The following ZBTB20 variants were observed in gnomAD, a reference collection of about 807,000 sequenced individuals.
The protein encoded by ZBTB20 is zinc finger and BTB domain-containing protein 20.
Under a neutral mutation model 56.9 loss-of-function variants are expected in ZBTB20, and 9 were observed. The ratio of observed to expected loss-of-function variants is 0.16; its 90% CI spans 0.10 to 0.28. ZBTB20 has a LOEUF of 0.28. Among genes scored for constraint, ZBTB20 ranks in the 10% least tolerant of loss-of-function variants. The probability of loss-of-function intolerance (pLI) is 1.00; values close to 1 mark genes in which losing one functional copy is unlikely to be tolerated. For missense variants in ZBTB20, 655 were observed against 1,003.0 expected (o/e 0.65, Z 4.69); for synonymous variants, 417 against 420.7 (o/e 0.99, Z 0.11).
chr3:114,506,461 G>C (rs935626156), intron 6 of ZBTB20, among the ~76,000 whole-genome samples: 2 of 152,106 alleles, frequency 1.3e-5, no homozygotes, highest in Admixed American at 1.3e-4. Context: ...AATGAAAGCA[G>C]TAGTGCTGGG....
Position 114,329,052 on chromosome 3 carries a change from C to T in ZBTB20, c.*9953G>A, listed in dbSNP as rs531910522. 6.6e-6 allele frequency: 1 copy of T among 152,320 alleles called. No homozygotes were observed. The highest frequency in any genetic ancestry group is 1.9e-4 in the East Asian group (1 of 5,188). 9.4% of individuals were successfully genotyped at this position (152,320 alleles called of 1,614,324 possible). ...ACAGATTGGTAATTTTGCCATTACA[C>T]TAGACATTAGCCCTTTCAAAGCAGA... On this transcript the variant is annotated 3_prime_UTR_variant, in exon 12 of 12. Coordinates refer to ENST00000675478, the MANE Select transcript of ZBTB20 (RefSeq NM_001348800.3).
At chr3:114,834,725 C>G (rs763492395) in intron 4 of ZBTB20, among the ~76,000 whole-genome samples, 1 of 152,034 alleles carries the variant, frequency 6.6e-6, no homozygotes, top group African/African-American at 2.4e-5. Flanking sequence ...TGGACCCTCA[C>G]GCTCCTGAGA....
chr3:114,564,362 G>A lies in ZBTB20; in HGVS notation c.-294-63971C>T, dbSNP rs138965213. 2.7e-3 allele frequency among the ~76,000 whole-genome samples: 415 copies of A among 152,012 alleles called. 1 individual carries two copies. The highest frequency in any genetic ancestry group is 9.6e-3 in the African/African-American group (397 of 41,448). ...GAACATCTTCGGTGGGGTGGGGAGG[G>A]GGGCATTAATCTGTCTGTCACAGAG... On this transcript the variant is annotated intron_variant, in intron 6 of 11. Coordinates refer to ENST00000675478, the MANE Select transcript of ZBTB20 (RefSeq NM_001348800.3).
chr3:114,476,868 G>T (rs2040835317), intron 7 of ZBTB20, among the ~76,000 whole-genome samples: 1 of 152,120 alleles, frequency 6.6e-6, no homozygotes, highest in African/African-American at 2.4e-5. Context: ...TGCAGTTTAG[G>T]GCTAGACTGC....
intron 5 of ZBTB20, among the ~76,000 whole-genome samples, chr3:114,798,194 G>A (rs1483986991): frequency 6.6e-6 from 1 of 151,718 alleles, no homozygotes; most frequent in Non-Finnish European, 1.5e-5. Context: ...CATCATGTCT[G>A]TAAGCCCAAT....
At chr3:115,147,110 C>G (rs2085025005) in intron 1 of ZBTB20, 109 bp downstream of exon 1, 1 of 146,452 alleles carries the variant, frequency 6.8e-6, no homozygotes, top group African/African-American at 2.5e-5. Context: ...TTCCCAGTCC[C>G]GCCGCCCCCC....
chr3:114,962,584 G>A (rs988184441), intron 3 of ZBTB20, among the ~76,000 whole-genome samples: 18 of 152,062 alleles, frequency 1.2e-4, no homozygotes, highest in African/African-American at 3.9e-4. Context: ...AAGCTTAACA[G>A]TCGATCTTAA....
Position 114,326,001 on chromosome 3 carries a change from A to G in ZBTB20, c.*13004T>C, listed in dbSNP as rs11713117. The stretch of plus-strand genomic sequence containing the variant: ...TCCCTCTAGTGCCTGGGGTTGGGGC[A>G]GGTGCAGGGGTGTGGGGAAGGAGAG... On this transcript the variant is annotated 3_prime_UTR_variant, in exon 12 of 12. Coordinates refer to ENST00000675478, the MANE Select transcript of ZBTB20 (RefSeq NM_001348800.3). 3,428 of 151,472 alleles carry G rather than the reference A, an allele frequency of 0.023. 61 individuals carry two copies. The highest frequency in any genetic ancestry group is 0.031 in the African/African-American group (1,272 of 41,382). The allele number at this position is 151,472 out of a possible 1,614,324, so 9.4% of individuals were successfully genotyped here.
At chr3:114,642,910 TAC>T (rs1280429044) in intron 6 of ZBTB20, among the ~76,000 whole-genome samples, 2 of 152,076 alleles carry the variant, frequency 1.3e-5, no homozygotes, top group Non-Finnish European at 2.9e-5. Flanking sequence ...TTCAGAAGAA[TAC>T]ACAGGATGCA....
At chr3:115,006,622 C>G (rs1021641009) in intron 2 of ZBTB20, among the ~76,000 whole-genome samples, 4 of 151,440 alleles carry the variant, frequency 2.6e-5, no homozygotes, top group African/African-American at 9.7e-5. Context: ...CAAAGTATCT[C>G]AAAGAATCAT....
At chr3:114,398,072 C>A (rs1010306951) in intron 7 of ZBTB20, among the ~76,000 whole-genome samples, 8 of 152,070 alleles carry the variant, frequency 5.3e-5, no homozygotes, top group Non-Finnish European at 1.0e-4. Flanking sequence ...CTTGGAATAC[C>A]TTTATCACCT....
chr3:114,765,508 T>C (rs1426965737), intron 5 of ZBTB20, among the ~76,000 whole-genome samples: 4 of 152,116 alleles, frequency 2.6e-5, no homozygotes. Flanking sequence ...ATGAAACAGA[T>C]TCCCTCCCAC....
At chr3:115,144,639 C>G (rs890764657) in intron 1 of ZBTB20, among the ~76,000 whole-genome samples, 1 of 152,002 alleles carries the variant, frequency 6.6e-6, no homozygotes, top group Non-Finnish European at 1.5e-5. Context: ...CTCGTATTTT[C>G]TTTTAGTAGC....
intron 2 of ZBTB20, among the ~76,000 whole-genome samples, chr3:115,061,060 A>C (rs1276795625): frequency 6.6e-6 from 1 of 152,166 alleles, no homozygotes; most frequent in Non-Finnish European, 1.5e-5. Context: ...TCAGTCAAAG[A>C]AAGTTTAGAC....
chr3:114,627,654 C>A (rs528440722), intron 6 of ZBTB20, among the ~76,000 whole-genome samples: 1 of 152,302 alleles, frequency 6.6e-6, no homozygotes, highest in Non-Finnish European at 1.5e-5. Flanking sequence ...AAAACCTGTA[C>A]ATATAAATAT....
chr3:114,391,079 T>C (rs1447925302), intron 7 of ZBTB20, among the ~76,000 whole-genome samples: 1 of 152,128 alleles, frequency 6.6e-6, no homozygotes, highest in African/African-American at 2.4e-5. Flanking sequence ...CTGTTTTCTA[T>C]ACCAGCCCCT....
chr3:114,565,513 T>C (rs951002085), intron 6 of ZBTB20, among the ~76,000 whole-genome samples: 1 of 152,204 alleles, frequency 6.6e-6, no homozygotes. Context: ...ATTAGCTTTT[T>C]CTCCCCCCTT....
intron 3 of ZBTB20, among the ~76,000 whole-genome samples, chr3:114,933,275 G>C (rs1447866616): frequency 3.3e-5 from 5 of 151,860 alleles, no homozygotes; most frequent in Non-Finnish European, 7.4e-5. Context: ...ATGAAACAGG[G>C]ACAAAGCCAA....
chr3:114,495,897 T>A (rs550800647), intron 7 of ZBTB20, among the ~76,000 whole-genome samples: 3 of 152,248 alleles, frequency 2.0e-5, no homozygotes, highest in Non-Finnish European at 4.4e-5. Context: ...GGCAAAGCCC[T>A]TCTGCTTTTT....
Sources: allele counts gnomAD v4.1 joint callset (sites outside exome capture counted in the v4.1 genomes callset), GRCh38; gene constraint gnomAD v4.1.1; transcripts MANE v1.5; gene names NCBI Gene and HGNC (gene_info 2026-07-23, HGNC 2026-07-21).